RBFOX1: variants seen among roughly 807,000 people sequenced by gnomAD.
RBFOX1 encodes RNA binding protein fox-1 homolog 1.
RBFOX1 carries 8 observed loss-of-function variants against 57.7 expected under a neutral mutation model. The observed-to-expected ratio is 0.14, with a 90% CI of 0.08 to 0.25. The LOEUF is 0.25. Among genes scored for constraint, RBFOX1 ranks in the 10% least tolerant of loss-of-function variants. The pLI is 1.00. For missense variants in RBFOX1, 611 were observed against 548.5 expected, an observed-to-expected ratio of 1.11 and a Z score of -1.14; for synonymous variants, 326 against 222.4, an observed-to-expected ratio of 1.47 and a Z score of -4.15.
At chr16:7,265,225 C>G (rs1366717661) in intron 4 of RBFOX1, among the ~76,000 whole-genome samples, 1 of 151,716 alleles carries the variant, frequency 6.6e-6, no homozygotes, top group African/African-American at 2.4e-5. Context: ...AATCTTTTCT[C>G]TTGCAGATCT....
At chr16:6,814,290 T>A (rs916860945) in intron 3 of RBFOX1, among the ~76,000 whole-genome samples, 1 of 152,112 alleles carries the variant, frequency 6.6e-6, no homozygotes, top group Non-Finnish European at 1.5e-5. Flanking sequence ...AGAAATGTCC[T>A]TTTCTGATCT....
At chr16:7,353,903 T>C (rs1204186073) in intron 4 of RBFOX1, among the ~76,000 whole-genome samples, 1 of 152,216 alleles carries the variant, frequency 6.6e-6, no homozygotes, top group African/African-American at 2.4e-5. Context: ...ATTGTACAAC[T>C]ATCACCACTT....
chr16:6,656,633 T>TACACACAC (rs2098655098), intron 3 of RBFOX1, among the ~76,000 whole-genome samples: 1 of 115,158 alleles, frequency 8.7e-6, no homozygotes, highest in Non-Finnish European at 1.9e-5. Context: ...CACACACACT[T>TACACACAC]CTAGTTTTTT....
At chr16:7,223,035 A>T (rs574684678) in intron 4 of RBFOX1, among the ~76,000 whole-genome samples, 1 of 152,184 alleles carries the variant, frequency 6.6e-6, no homozygotes, top group Non-Finnish European at 1.5e-5. Context: ...CACCTGTTAT[A>T]TAATTAAGCC....
chr16:5,790,878 T>A (rs2054670418), intron 3 of RBFOX1, among the ~76,000 whole-genome samples: 1 of 151,640 alleles, frequency 6.6e-6, no homozygotes, highest in South Asian at 2.1e-4. Context: ...TTTTTTGTTT[T>A]TTTTTTTTGA....
chr16:6,917,326 A>T (rs769932464), intron 3 of RBFOX1, among the ~76,000 whole-genome samples: 6 of 152,234 alleles, frequency 3.9e-5, no homozygotes, highest in Non-Finnish European at 5.9e-5. Flanking sequence ...GTTAGTGACT[A>T]ATCCCATCTG....
chr16:7,187,690 C>CAAAAAAAAAAAAAAAAAAAAAAAAAA (rs536529201), intron 4 of RBFOX1, among the ~76,000 whole-genome samples: 1 of 72,568 alleles, frequency 1.4e-5, no homozygotes, highest in Admixed American at 2.3e-4. Flanking sequence ...CTCTGTCTCA[C>CAAAAAAAAAAAAAAAAAAAAAAAAAA]AAAAAAAAAA....
At chr16:6,009,217 C>T (rs2094945579) in intron 4 of RBFOX1, among the ~76,000 whole-genome samples, 1 of 151,706 alleles carries the variant, frequency 6.6e-6, no homozygotes, top group Non-Finnish European at 1.5e-5. Context: ...TTCGTGGTCT[C>T]TAAAAAAGAC....
intron 1 of RBFOX1, among the ~76,000 whole-genome samples, chr16:6,132,966 A>G (rs2096640150): frequency 6.9e-6 from 1 of 144,586 alleles, no homozygotes; most frequent in Non-Finnish European, 1.5e-5. Flanking sequence ...CTCTGTCTCA[A>G]AAAAAAAAAA....
chr16:7,557,781 T>A (rs1056975863), intron 5 of RBFOX1, among the ~76,000 whole-genome samples: 15 of 152,000 alleles, frequency 9.9e-5, no homozygotes, highest in African/African-American at 3.6e-4. Context: ...AACAACTAGC[T>A]TGGTGGGGGA....
At position 6,532,393 on chromosome 16, in the gene RBFOX1, G is replaced by A. The variant is rs970042147; in HGVS notation, c.-63-122210G>A. Reference sequence around the variant, plus strand: ...GAGGGTTTCAGAGCTGCCCTAGGCTGTACTCCACTCCAGGGTGGCCCTCAG... The same window carrying A: ...GAGGGTTTCAGAGCTGCCCTAGGCTATACTCCACTCCAGGGTGGCCCTCAG... On this transcript the variant is annotated intron_variant, in intron 2 of 15. Coordinates refer to ENST00000550418, the MANE Select transcript of RBFOX1 (RefSeq NM_018723.4). Among the ~76,000 whole-genome samples, 5 of 152,260 alleles carry A rather than the reference G, an allele frequency of 3.3e-5. No individual in the cohort carries two copies. The South Asian group carries it at 6.2e-4, about 19-fold the overall frequency.
chr16:5,515,051 C>T (rs865840445), intron 2 of RBFOX1, among the ~76,000 whole-genome samples: 6 of 152,134 alleles, frequency 3.9e-5, no homozygotes, highest in South Asian at 2.1e-4. Context: ...GACTCTTTAA[C>T]AACCAACTCT....
At chr16:5,543,490 C>T (rs573023279) in intron 2 of RBFOX1, among the ~76,000 whole-genome samples, 1 of 152,154 alleles carries the variant, frequency 6.6e-6, no homozygotes, top group East Asian at 1.9e-4. Context: ...CAAAATTAAA[C>T]ACATAGAGAA....
chr16:5,622,402 C>T (rs1402100859), intron 3 of RBFOX1, among the ~76,000 whole-genome samples: 1 of 152,214 alleles, frequency 6.6e-6, no homozygotes, highest in Non-Finnish European at 1.5e-5. Context: ...TTGTGCACTG[C>T]CCTCTACTCA....
chr16:6,932,262 C>T (rs971023960), intron 3 of RBFOX1, among the ~76,000 whole-genome samples: 1 of 152,122 alleles, frequency 6.6e-6, no homozygotes, highest in Non-Finnish European at 1.5e-5. Context: ...CACCACCACA[C>T]CTGGCTAATT....
chr16:6,945,326 A>G (rs893969700), intron 3 of RBFOX1, among the ~76,000 whole-genome samples: 11 of 152,152 alleles, frequency 7.2e-5, no homozygotes, highest in African/African-American at 2.7e-4. Flanking sequence ...GCAGATGCTT[A>G]CCTAGGGCCA....
At chr16:5,410,140 G>A (rs1201100270) in intron 1 of RBFOX1, among the ~76,000 whole-genome samples, 2 of 151,390 alleles carry the variant, frequency 1.3e-5, no homozygotes, top group Non-Finnish European at 2.9e-5. Context: ...AATGTGGGTG[G>A]AACACTTCAG....
At chr16:5,356,939 C>T (rs114850532) in intron 1 of RBFOX1, among the ~76,000 whole-genome samples, 131 of 152,320 alleles carry the variant, frequency 8.6e-4, no homozygotes, top group African/African-American at 3.1e-3. Flanking sequence ...TGCTTACATA[C>T]ATCGTTTCGT....
At chr16:6,240,296 C>G (rs1006665184) in intron 1 of RBFOX1, among the ~76,000 whole-genome samples, 1 of 152,184 alleles carries the variant, frequency 6.6e-6, no homozygotes, top group Non-Finnish European at 1.5e-5. Flanking sequence ...AGTGGCCTAA[C>G]ACGGTGTCCT....
Sources: allele counts gnomAD v4.1 joint callset (sites outside exome capture counted in the v4.1 genomes callset), GRCh38; gene constraint gnomAD v4.1.1; transcripts MANE v1.5; gene names NCBI Gene and HGNC (gene_info 2026-07-23, HGNC 2026-07-21).